The following STEEP1 variants were observed in gnomAD, a reference collection of about 807,000 sequenced individuals.
STEEP1 encodes STING1 ER exit protein 1.
Under a neutral mutation model 19.2 loss-of-function variants are expected in STEEP1, and 3 were observed. That is an observed-to-expected ratio of 0.16 (90% confidence interval 0.07 to 0.40). STEEP1 has a LOEUF of 0.40. Ranked by LOEUF, STEEP1 falls within the 10% of genes least tolerant of loss-of-function variation. The pLI is 0.99. For synonymous variants in STEEP1, 46 were observed against 63.7 expected (o/e 0.72, Z 1.32); for missense variants, 54 against 177.1 (o/e 0.30, Z 3.94).
chrX:119,541,125 T>C (rs934563299), intron 6 of STEEP1, among the ~76,000 whole-genome samples: 9 of 111,835 alleles, frequency 8.0e-5, no homozygotes, highest in Non-Finnish European at 1.3e-4. Flanking sequence ...ACAAGTATCA[T>C]CATTTAAGGC....
intron 1 of STEEP1, among the ~76,000 whole-genome samples, chrX:119,562,710 G>A (rs1020353151): frequency 1.2e-4 from 13 of 104,766 alleles, no homozygotes; most frequent in Non-Finnish European, 2.6e-4. Flanking sequence ...AAAAAGTTCC[G>A]GCCCTGATGA....
intron 1 of STEEP1, among the ~76,000 whole-genome samples, chrX:119,563,884 C>A (rs1321301192): frequency 1.8e-5 from 2 of 111,878 alleles, no homozygotes; most frequent in Non-Finnish European, 3.8e-5. Context: ...AGTTGTACTA[C>A]TGACTGCAAT....
At chrX:119,556,267 C>G (rs1207061708) in intron 2 of STEEP1, among the ~76,000 whole-genome samples, 2 of 110,853 alleles carry the variant, frequency 1.8e-5, no homozygotes, top group Non-Finnish European at 3.8e-5. Context: ...AATATGCACC[C>G]TAACTTTACA....
chrX:119,542,055 C>CTTT lies in STEEP1; in HGVS notation c.513+447_513+449dup, dbSNP rs201339708. Among the ~76,000 whole-genome samples, 205 of 82,839 alleles carry CTTT rather than the reference C, an allele frequency of 2.5e-3. 21 individuals are homozygous for CTTT. The highest frequency in any genetic ancestry group is 3.6e-3 in the Non-Finnish European group (156 of 43,541). 71.9% of individuals were successfully genotyped at this position (82,839 alleles called of 115,157 possible). ...TCACTGTCAGAGTTTCTTTTCTTTT[C>CTTT]TTTTTTTTTTTTTTTTTTTTTTTTT... On this transcript the variant is annotated intron_variant, in intron 5 of 6. Coordinates refer to ENST00000644802, the MANE Select transcript of STEEP1 (RefSeq NM_022101.4).
chrX:119,557,908 AT>A (rs1216052908), intron 2 of STEEP1, among the ~76,000 whole-genome samples: 1 of 107,552 alleles, frequency 9.3e-6, no homozygotes, highest in Non-Finnish European at 1.9e-5. Flanking sequence ...GTAGTACTTT[AT>A]TTTTTTTTTA....
At chrX:119,541,502 C>T (rs888055642) in intron 5 of STEEP1, 82 bp from the exon 6 acceptor site, 1 of 553,666 alleles carries the variant, frequency 1.8e-6, no homozygotes, top group Admixed American at 2.6e-5. Flanking sequence ...ATGTATACTA[C>T]TCAAATCATG....
chrX:119,554,427 A>G (rs1367692552), intron 2 of STEEP1, among the ~76,000 whole-genome samples: 1 of 111,636 alleles, frequency 9.0e-6, no homozygotes, highest in East Asian at 2.8e-4. Context: ...CCTGGGCAAC[A>G]GAGTGAGACT....
chrX:119,557,581 T>C (rs1335738001), intron 2 of STEEP1, among the ~76,000 whole-genome samples: 1 of 110,578 alleles, frequency 9.0e-6, no homozygotes, highest in African/African-American at 3.3e-5. Flanking sequence ...GTTGCAGACA[T>C]AATTAGTTAA....
At chrX:119,542,422 A>T in intron 5 of STEEP1, 83 bp downstream of exon 5, 1 of 667,135 alleles carries the variant, frequency 1.5e-6, no homozygotes, top group Non-Finnish European at 2.4e-6. Flanking sequence ...TATTTCCACT[A>T]CTCCAAGGCT....
intron 6 of STEEP1, 79 bp from the exon 7 acceptor site, chrX:119,539,868 C>T: frequency 1.4e-6 from 1 of 739,234 alleles, no homozygotes; most frequent in Non-Finnish European, 2.1e-6. Flanking sequence ...AACCCAAACA[C>T]TCTCCCTTAA....
rs1906271397 is a variant in STEEP1, at chrX:119,538,464, C to T, written c.*1263G>A. Reference sequence around the variant, plus strand: ...TTGTAGAGACAGAGTCTCACTCTGTCGCCCAGGCTGGAGTGCTGGAGTACA... The same window carrying T: ...TTGTAGAGACAGAGTCTCACTCTGTTGCCCAGGCTGGAGTGCTGGAGTACA... On this transcript the variant is annotated 3_prime_UTR_variant, in exon 7 of 7. Transcript: ENST00000644802. The T allele has an allele frequency of 2.2e-5, 2 of 91,092 alleles. No individual in the cohort carries two copies. The highest frequency in any genetic ancestry group is 1.3e-4 in the Admixed American group (1 of 7,482). The allele number at this position is 91,092 out of a possible 1,213,427, so 7.5% of individuals were successfully genotyped here.
chrX:119,545,145 G>A (rs1246092652), intron 3 of STEEP1, among the ~76,000 whole-genome samples: 1 of 107,380 alleles, frequency 9.3e-6, no homozygotes, highest in East Asian at 3.0e-4. Context: ...ACTCAGGTCA[G>A]GAGTTCGAGA....
rs2147342655 is a variant in STEEP1, at chrX:119,538,890, C to T, written c.*837G>A. Reference sequence around the variant, plus strand: ...AAGTAAAGAAAGCTTTATGCAGATTCTGGCTTTTAATGGGTCTCCTCTGAC... The same window carrying T: ...AAGTAAAGAAAGCTTTATGCAGATTTTGGCTTTTAATGGGTCTCCTCTGAC... On this transcript the variant is annotated 3_prime_UTR_variant, in exon 7 of 7. Transcript: ENST00000644802. 8.9e-6 allele frequency: 1 copy of T among 111,750 alleles called. No individual in the cohort carries two copies. Among genetic ancestry groups the T allele is most frequent in the South Asian group, 3.7e-4 (1 of 2,684 alleles). The allele number at this position is 111,750 out of a possible 1,213,427, so 9.2% of individuals were successfully genotyped here.
chrX:119,558,110 C>T (rs193291351), intron 2 of STEEP1, among the ~76,000 whole-genome samples: 349 of 110,566 alleles, frequency 3.2e-3, no homozygotes, highest in African/African-American at 0.011. Context: ...GGTTTCACTA[C>T]GTTGGCCAGC....
rs1556215408 is a variant in STEEP1 at position 119,557,169 on chromosome X, A to AAAAAG, written c.242+3094_242+3098dup. ...AGACTCTATCTCAAAAAAAAAAAAAAAAAAGAAAAGAAAGAAAGAAAACAT... is the reference window on the plus strand; with the variant it reads ...AGACTCTATCTCAAAAAAAAAAAAAAAAAAGAAAAGAAAAGAAAGAAAGAAAACAT... On this transcript the variant is annotated intron_variant, in intron 2 of 6. Transcript: ENST00000644802. 6.7e-4 allele frequency among the ~76,000 whole-genome samples: 71 copies of AAAAAG among 105,384 alleles called. 1 individual carries two copies. The highest frequency in any genetic ancestry group is 2.2e-3 in the South Asian group (5 of 2,315). The allele number at this position is 105,384 out of a possible 115,157, so 91.5% of individuals were successfully genotyped here. A position where few individuals can be genotyped will look rare whatever the true frequency, so the allele number is the denominator to read the frequency against.
At chrX:119,542,232 A>C in intron 5 of STEEP1, among the ~76,000 whole-genome samples, 1 of 107,383 alleles carries the variant, frequency 9.3e-6, no homozygotes, top group African/African-American at 3.4e-5. Context: ...ACGCCCGGCT[A>C]ATTTTTTGTA....
intron 6 of STEEP1, 108 bp downstream of exon 6, chrX:119,541,217 TAAA>T: frequency 1.9e-6 from 1 of 535,862 alleles, no homozygotes; most frequent in Non-Finnish European, 3.2e-6. Flanking sequence ...CCAACTACTC[TAAA>T]ACCTCCCAAC....
chrX:119,555,210 C>T (rs1417065541), intron 2 of STEEP1, among the ~76,000 whole-genome samples: 4 of 110,226 alleles, frequency 3.6e-5, no homozygotes, highest in African/African-American at 1.3e-4. Context: ...TCTTGAATTC[C>T]TGACCCACAG....
chrX:119,557,411 A>C (rs1281850622), intron 2 of STEEP1, among the ~76,000 whole-genome samples: 3 of 103,281 alleles, frequency 2.9e-5, no homozygotes, highest in Non-Finnish European at 5.9e-5. Context: ...CAGCCTGGCC[A>C]ACATGGTGAA....
Sources: gnomAD v4.1 joint callset for allele counts (sites outside exome capture counted in the v4.1 genomes callset) on GRCh38, gnomAD v4.1.1 for gene constraint, MANE v1.5 for transcripts, NCBI Gene and HGNC (gene_info 2026-07-23, HGNC 2026-07-21) for gene names.